Variants in KDM2A observed in about 807,000 individuals in gnomAD.
KDM2A encodes the protein lysine demethylase 2A.
A neutral mutation model predicts 137.3 loss-of-function variants in KDM2A; 3 were observed. That is an observed-to-expected ratio of 0.02 (90% CI 0.01 to 0.06). The LOEUF (loss-of-function observed/expected upper bound fraction) is 0.06. Among genes scored for constraint, KDM2A ranks in the 10% least tolerant of loss-of-function variants. KDM2A has a pLI of 1.00. For synonymous variants in KDM2A, 512 were observed against 541.5 expected (o/e 0.95, Z 0.76); for missense variants, 738 against 1,510.6 (o/e 0.49, Z 8.48).
In KDM2A at chr11:67,255,096, CT is replaced by C. The variant is rs1565429486; in HGVS notation, c.*42del. 6.4e-7 allele frequency: 1 copy of C among 1,563,760 alleles called. No homozygotes were observed. The highest frequency in any genetic ancestry group is 8.7e-7 in the Non-Finnish European group (1 of 1,151,264). On this transcript the variant is annotated 3_prime_UTR_variant, in exon 21 of 21. Coordinates refer to ENST00000529006, the MANE Select transcript of KDM2A (RefSeq NM_012308.3). ...GATTCAACAGGAAACCGATCTTCCC[CT>C]GACTCCCCACCGAGGAGAGCCTCTC...
Position 67,133,650 on chromosome 11 carries a change from A to T in KDM2A, c.42+12292A>T, listed in dbSNP as rs190999400. Among the ~76,000 whole-genome samples, 22 of 142,762 alleles carry T rather than the reference A, an allele frequency of 1.5e-4. No homozygotes were observed. In the East Asian group the frequency reaches 4.7e-3, roughly 30 times the overall value. The allele number at this position is 142,762 out of a possible 152,430, so 93.7% of individuals were successfully genotyped here. ...ACTCCTGACCTCAGGTGATCTGCCC[A>T]CCTCGGCCTCCCAAAGTGCTGGGAT... On this transcript the variant is annotated intron_variant, in intron 2 of 20. Coordinates refer to ENST00000529006, the MANE Select transcript of KDM2A (RefSeq NM_012308.3).
chr11:67,249,507 G>T (rs1308826154), intron 16 of KDM2A, among the ~76,000 whole-genome samples: 2 of 152,212 alleles, frequency 1.3e-5, no homozygotes, highest in Non-Finnish European at 2.9e-5. Flanking sequence ...GTCATAGTGG[G>T]CTCCAGGAAA....
At chr11:67,187,132 T>G (rs1489647470) in intron 5 of KDM2A, among the ~76,000 whole-genome samples, 1 of 151,996 alleles carries the variant, frequency 6.6e-6, no homozygotes, top group Non-Finnish European at 1.5e-5. Context: ...ATGATAACCA[T>G]AAAGACAAGA....
At chr11:67,164,158 T>G (rs188665739) in intron 2 of KDM2A, among the ~76,000 whole-genome samples, 4 of 152,284 alleles carry the variant, frequency 2.6e-5, no homozygotes, top group South Asian at 2.1e-4. Context: ...CATTTTCACA[T>G]GAGAAAATGG....
At chr11:67,204,434 G>T (rs1464514563) in intron 5 of KDM2A, among the ~76,000 whole-genome samples, 1 of 151,774 alleles carries the variant, frequency 6.6e-6, no homozygotes, top group Non-Finnish European at 1.5e-5. Flanking sequence ...TCATATAAAT[G>T]GAACTATATA....
chr11:67,237,023 G>A (rs958311136), intron 12 of KDM2A, among the ~76,000 whole-genome samples: 1 of 152,130 alleles, frequency 6.6e-6, no homozygotes, highest in African/African-American at 2.4e-5. Context: ...GAGTGAGAGT[G>A]GCAGAGTCTA....
At chr11:67,224,360 C>T (rs1858463000) in intron 10 of KDM2A, among the ~76,000 whole-genome samples, 1 of 151,570 alleles carries the variant, frequency 6.6e-6, no homozygotes, top group African/African-American at 2.4e-5. Context: ...ATCCCAAGTA[C>T]TTTTTGGGAG....
intron 5 of KDM2A, among the ~76,000 whole-genome samples, chr11:67,200,750 G>A (rs1048193401): frequency 6.6e-6 from 1 of 152,100 alleles, no homozygotes; most frequent in Non-Finnish European, 1.5e-5. Flanking sequence ...CAAGGGATTT[G>A]CCTGCCTCAG....
intron 2 of KDM2A, among the ~76,000 whole-genome samples, chr11:67,151,825 G>A (rs976036085): frequency 4.0e-5 from 6 of 151,880 alleles, no homozygotes; most frequent in Non-Finnish European, 5.9e-5. Context: ...GCTTACTATA[G>A]CCTTGAACTC....
chr11:67,239,640 GGAGAGA>G (rs1173289820), intron 12 of KDM2A, among the ~76,000 whole-genome samples: 2 of 152,214 alleles, frequency 1.3e-5, no homozygotes, highest in African/African-American at 4.8e-5. Context: ...TGCTGAGAGG[GGAGAGA>G]GAAGTGTGTG....
At chr11:67,169,173 C>T (rs1342926128) in intron 2 of KDM2A, among the ~76,000 whole-genome samples, 1 of 151,866 alleles carries the variant, frequency 6.6e-6, no homozygotes, top group African/African-American at 2.4e-5. Flanking sequence ...CCAGGCTGGC[C>T]TTGAACTCCT....
intron 6 of KDM2A, among the ~76,000 whole-genome samples, chr11:67,208,763 T>C (rs1857889116): frequency 7.1e-6 from 1 of 141,752 alleles, no homozygotes; most frequent in African/African-American, 2.6e-5. Context: ...AGTGAGACCC[T>C]GTCTCAAAAA....
intron 2 of KDM2A, among the ~76,000 whole-genome samples, chr11:67,144,340 C>T (rs965798236): frequency 5.9e-5 from 9 of 151,264 alleles, no homozygotes; most frequent in African/African-American, 1.9e-4. Flanking sequence ...GCACCCTCCA[C>T]CTCCTGGGTT....
chr11:67,193,934 C>T (rs1857418146), intron 5 of KDM2A, among the ~76,000 whole-genome samples: 1 of 152,168 alleles, frequency 6.6e-6, no homozygotes, highest in African/African-American at 2.4e-5. Context: ...TCTCTAGCCC[C>T]AGGCCTCAAG....
chr11:67,226,308 A>G (rs1858542542), intron 10 of KDM2A, among the ~76,000 whole-genome samples: 1 of 152,150 alleles, frequency 6.6e-6, no homozygotes, highest in South Asian at 2.1e-4. Flanking sequence ...CCAGAGATTC[A>G]TTTGATGGAT....
intron 2 of KDM2A, among the ~76,000 whole-genome samples, chr11:67,162,633 T>G (rs1399307145): frequency 6.6e-6 from 1 of 152,178 alleles, no homozygotes; most frequent in African/African-American, 2.4e-5. Context: ...CTCGAACTCC[T>G]GACCTCAAGT....
chr11:67,198,669 C>T (rs1857543960), intron 5 of KDM2A, among the ~76,000 whole-genome samples: 2 of 147,508 alleles, frequency 1.4e-5, no homozygotes, highest in South Asian at 2.1e-4. Context: ...GAGATCCCGC[C>T]ACTGCACTCC....
chr11:67,168,596 C>T (rs1321136671), intron 2 of KDM2A, among the ~76,000 whole-genome samples: 2,742 of 60,478 alleles, frequency 0.045, 719 homozygotes, highest in African/African-American at 0.073. Context: ...CACACACACA[C>T]ACACACACAC....
At chr11:67,199,090 C>G (rs1196805817) in intron 5 of KDM2A, among the ~76,000 whole-genome samples, 4 of 152,112 alleles carry the variant, frequency 2.6e-5, no homozygotes, top group Non-Finnish European at 5.9e-5. Flanking sequence ...GATCAGTGAT[C>G]TTTGACATTA....
Sources: gnomAD v4.1 joint callset for allele counts (sites outside exome capture counted in the v4.1 genomes callset) on GRCh38, gnomAD v4.1.1 for gene constraint, MANE v1.5 for transcripts, NCBI Gene and HGNC (gene_info 2026-07-23, HGNC 2026-07-21) for gene names.